The following NAV1 variants were observed in gnomAD, a reference collection of about 807,000 sequenced individuals.
The protein encoded by NAV1 is pore membrane and/or filament interacting like protein 3.
Under a neutral mutation model 175.2 loss-of-function variants are expected in NAV1, and 18 were observed. That is an observed-to-expected ratio of 0.10 (90% CI 0.07 to 0.15). The LOEUF (loss-of-function observed/expected upper bound fraction) is 0.15. Among genes scored for constraint, NAV1 ranks in the 10% least tolerant of loss-of-function variants. The pLI, the probability that NAV1 is intolerant of heterozygous loss-of-function variation, is 1.00. For missense variants in NAV1, 1,731 were observed against 2,436.6 expected, an observed-to-expected ratio of 0.71 and a Z score of 6.10; for synonymous variants, 897 against 978.7, an observed-to-expected ratio of 0.92 and a Z score of 1.56.
At chr1:201,722,752 G>T (rs1261375540) in intron 3 of NAV1, among the ~76,000 whole-genome samples, 2 of 152,140 alleles carry the variant, frequency 1.3e-5, no homozygotes, top group African/African-American at 4.8e-5. Flanking sequence ...AATGAATGAG[G>T]GTTCTAATTT....
At position 201,581,720 on chromosome 1, in the gene NAV1, T is replaced by C. The variant is rs538661814; in HGVS notation, c.-143-6819T>C. Among the ~76,000 whole-genome samples the C allele has an allele frequency of 1.6e-3, 238 of 151,436 alleles. 1 individual carries two copies. The highest frequency in any genetic ancestry group is 5.5e-3 in the African/African-American group (226 of 41,228). On this transcript the variant is annotated intron_variant, in intron 1 of 33. Coordinates refer to the NAV1 transcript ENST00000685211. ...GGTGGGCGCCTGTTATCCCAGCTAC[T>C]CTGGAGGCTGAGGCACAAGAATCAC...
intron 1 of NAV1, among the ~76,000 whole-genome samples, chr1:201,546,210 G>T (rs1444127119): frequency 6.6e-6 from 1 of 152,240 alleles, no homozygotes; most frequent in African/African-American, 2.4e-5. Context: ...TCAGGAAGAG[G>T]GCTGGATTGC....
At chr1:201,636,603 C>T (rs1329015482) in intron 2 of NAV1, among the ~76,000 whole-genome samples, 1 of 152,166 alleles carries the variant, frequency 6.6e-6, no homozygotes, top group Admixed American at 6.5e-5. Context: ...TGGAGTCATC[C>T]ACGTGAGACC....
chr1:201,788,957 CAT>C lies in NAV1; in HGVS notation c.3166+321_3166+322del. 6.6e-6 allele frequency among the ~76,000 whole-genome samples: 1 copy of C among 152,176 alleles called. No individual in the cohort carries two copies. The highest frequency in any genetic ancestry group is 1.9e-4 in the East Asian group (1 of 5,204). ...CAGCTTCTCTCCTCCTCATTCTAGC[CAT>C]AGTCTTTCCTCCCCACAGTCTCTCA... On this transcript the variant is annotated intron_variant, in intron 10 of 29. Coordinates refer to ENST00000367296, the Ensembl canonical transcript of NAV1. This position sits in a 1 kb window ranked among gnomAD's most constrained non-coding sequence, Gnocchi z 5.7.
chr1:201,787,194 G>A lies in NAV1; in HGVS notation c.2995+617G>A, dbSNP rs901044886. 1.3e-5 allele frequency among the ~76,000 whole-genome samples: 2 copies of A among 152,222 alleles called. No homozygotes were observed. Among genetic ancestry groups the A allele is most frequent in the African/African-American group, 2.4e-5 (1 of 41,466 alleles). Reference sequence around the variant, plus strand: ...GGGAGGAGAGGAAGCATCAGGTGGAGGGTCTGGCCTAGCACAGAAGCACAC... The same window carrying A: ...GGGAGGAGAGGAAGCATCAGGTGGAAGGTCTGGCCTAGCACAGAAGCACAC... On this transcript the variant is annotated intron_variant, in intron 9 of 29. Transcript: ENST00000367296. This position sits in a 1 kb window ranked among gnomAD's most constrained non-coding sequence, Gnocchi z 4.3.
chr1:201,800,626 G>A (rs912035533), intron 15 of NAV1, among the ~76,000 whole-genome samples: 2 of 152,072 alleles, frequency 1.3e-5, no homozygotes, highest in Non-Finnish European at 2.9e-5. Context: ...CTATATAAGA[G>A]GGTATATGGT....
At chr1:201,727,105 A>G (rs2102508741) in intron 3 of NAV1, among the ~76,000 whole-genome samples, 1 of 152,304 alleles carries the variant, frequency 6.6e-6, no homozygotes. Flanking sequence ...TGAGGATTAA[A>G]TTAGTTAATA....
At chr1:201,604,872 G>T (rs1015754641) in intron 2 of NAV1, among the ~76,000 whole-genome samples, 18 of 151,996 alleles carry the variant, frequency 1.2e-4, no homozygotes, top group Non-Finnish European at 1.2e-4. Context: ...GTGGAGTGAA[G>T]GTTCAAACCC....
At chr1:201,742,494 C>A (rs565877802) in intron 3 of NAV1, among the ~76,000 whole-genome samples, 2 of 152,136 alleles carry the variant, frequency 1.3e-5, no homozygotes, top group East Asian at 1.9e-4. Context: ...ACTGTTCTTG[C>A]GTATCTCAAA....
chr1:201,601,674 G>A (rs965855151), intron 2 of NAV1, among the ~76,000 whole-genome samples: 2 of 152,122 alleles, frequency 1.3e-5, no homozygotes, highest in African/African-American at 4.8e-5. Flanking sequence ...CAGAAAGCAG[G>A]TGCTCACCAG....
intron 1 of NAV1, among the ~76,000 whole-genome samples, chr1:201,678,386 T>C (rs1285968392): frequency 2.0e-5 from 3 of 152,204 alleles, no homozygotes; most frequent in Non-Finnish European, 4.4e-5. Context: ...CTAAGCACTT[T>C]ATGAGTAATA....
intron 13 of NAV1, chr1:201,792,217 G>A (rs1481416090): frequency 6.6e-6 from 1 of 151,818 alleles, no homozygotes; most frequent in Non-Finnish European, 1.5e-5. Context: ...CCTCAAGCAG[G>A]AGATGGGATG....
At chr1:201,600,058 G>A (rs1452131034) in intron 2 of NAV1, among the ~76,000 whole-genome samples, 1 of 152,226 alleles carries the variant, frequency 6.6e-6, no homozygotes, top group African/African-American at 2.4e-5. Flanking sequence ...CTTAAGCAAA[G>A]CGGCTCATCT....
intron 1 of NAV1, among the ~76,000 whole-genome samples, chr1:201,658,746 C>T (rs895848904): frequency 4.6e-5 from 7 of 152,108 alleles, no homozygotes; most frequent in African/African-American, 9.7e-5. Flanking sequence ...TGTTGCTGAT[C>T]GATGAGATCA....
intron 1 of NAV1, among the ~76,000 whole-genome samples, chr1:201,547,216 C>G (rs1376733010): frequency 3.3e-5 from 5 of 151,942 alleles, no homozygotes; most frequent in Non-Finnish European, 7.4e-5. Flanking sequence ...CTCAAACTCC[C>G]GACCTCAGGT....
intron 1 of NAV1, among the ~76,000 whole-genome samples, chr1:201,623,860 AAG>A (rs1429218099): frequency 1.3e-5 from 2 of 152,172 alleles, no homozygotes; most frequent in African/African-American, 4.8e-5. Context: ...CCACAACAAA[AAG>A]AGTCTCATAA....
At chr1:201,602,670 T>TG (rs1667557067) in intron 2 of NAV1, among the ~76,000 whole-genome samples, 1 of 144,340 alleles carries the variant, frequency 6.9e-6, no homozygotes. Flanking sequence ...TTTTTTGGTT[T>TG]TTTTTTTACC....
chr1:201,559,268 G>A (rs749020313), intron 1 of NAV1, among the ~76,000 whole-genome samples: 8 of 152,080 alleles, frequency 5.3e-5, no homozygotes, highest in Middle Eastern at 3.2e-3. Context: ...GGTTATAAAG[G>A]GCCTGGCTAT....
At chr1:201,645,361 T>C (rs372454714), upstream of NAV1, among the ~76,000 whole-genome samples, 10 of 122,228 alleles carry the variant, frequency 8.2e-5, no homozygotes, top group African/African-American at 2.9e-4. Flanking sequence ...TGAGAACACA[T>C]GGACACAGGA....
Sources: gnomAD v4.1 joint callset for allele counts (sites outside exome capture counted in the v4.1 genomes callset) on GRCh38, gnomAD v4.1.1 for gene constraint, Gnocchi (gnomAD v3.1) non-coding constraint, MANE v1.5 for transcripts, NCBI Gene and HGNC (gene_info 2026-07-23, HGNC 2026-07-21) for gene names.